Variants in CLCN3 observed in about 807,000 individuals in gnomAD.
CLCN3 encodes the protein H(+)/Cl(-) exchange transporter 3.
In CLCN3, 16 loss-of-function variants were observed where a neutral mutation model predicts 83.4. The ratio of observed to expected loss-of-function variants is 0.19; its 90% CI spans 0.13 to 0.29. CLCN3 has a LOEUF of 0.29. Among genes scored for constraint, CLCN3 ranks in the 10% least tolerant of loss-of-function variants. The pLI, the probability that CLCN3 is intolerant of heterozygous loss-of-function variation, is 1.00. For synonymous variants in CLCN3, 322 were observed against 346.2 expected (o/e 0.93, Z 0.78); for missense variants, 544 against 1,006.0 (o/e 0.54, Z 6.21).
At chr4:169,664,852 GAT>G (rs1469543280) in intron 2 of CLCN3, among the ~76,000 whole-genome samples, 1 of 152,168 alleles carries the variant, frequency 6.6e-6, no homozygotes, top group Non-Finnish European at 1.5e-5. Context: ...CTGCCGCATT[GAT>G]TAAGTTTGTA....
chr4:169,656,953 T>C (rs913868019), intron 2 of CLCN3, among the ~76,000 whole-genome samples: 9 of 152,126 alleles, frequency 5.9e-5, no homozygotes, highest in African/African-American at 2.2e-4. Flanking sequence ...AAATAATAAA[T>C]ACAAATAAAA....
intron 2 of CLCN3, among the ~76,000 whole-genome samples, chr4:169,651,574 TTGTC>T (rs1351267273): frequency 1.3e-5 from 2 of 152,194 alleles, no homozygotes; most frequent in African/African-American, 2.4e-5. Flanking sequence ...ATGCTTTAAA[TTGTC>T]TGTAGATTAC....
intron 5 of CLCN3, 22 bp from the exon 6 acceptor site, chr4:169,690,508 T>A (rs748380595): frequency 1.6e-5 from 25 of 1,599,566 alleles, no homozygotes; most frequent in African/African-American, 2.7e-5. Flanking sequence ...AAATTCATAC[T>A]CTCGAACTAT....
rs1732327704 is a variant in CLCN3, at chr4:169,690,520, T to G, written c.607-10T>G. 3 of 1,602,322 alleles carry G rather than the reference T, an allele frequency of 1.9e-6. No individual in the cohort carries two copies. Among genetic ancestry groups the G allele is most frequent in the African/African-American group, 2.7e-5 (2 of 74,098 alleles). ...ATTAAATTCATACTCTCGAACTATT[T>G]TCTTTTTAGGGTCCTGGTTCTTATA... is the stretch of plus-strand genomic sequence containing the variant. On this transcript the variant is annotated splice_polypyrimidine_tract_variant and intron_variant, in intron 5 of 12. Transcript: ENST00000513761.
chr4:169,639,218 A>G (rs1181077099), intron 2 of CLCN3, among the ~76,000 whole-genome samples: 3 of 152,116 alleles, frequency 2.0e-5, no homozygotes, highest in African/African-American at 4.8e-5. Flanking sequence ...TTTTTGTAAC[A>G]ATGGGGTCTC....
chr4:169,690,065 C>G (rs1417540361), intron 5 of CLCN3, among the ~76,000 whole-genome samples: 1 of 150,832 alleles, frequency 6.6e-6, no homozygotes, highest in Non-Finnish European at 1.5e-5. Flanking sequence ...ATATTTTGTT[C>G]ATATAAAGTT....
intron 2 of CLCN3, among the ~76,000 whole-genome samples, chr4:169,664,895 C>T (rs1731188282): frequency 6.6e-6 from 1 of 152,152 alleles, no homozygotes; most frequent in Non-Finnish European, 1.5e-5. Context: ...ATCGAGGTTT[C>T]TGCTTTGCGT....
intron 11 of CLCN3, among the ~76,000 whole-genome samples, chr4:169,711,552 G>A (rs978429368): frequency 1.3e-5 from 2 of 152,132 alleles, no homozygotes; most frequent in Admixed American, 6.5e-5. Context: ...GTTTCACCAT[G>A]TTGGCCAGGC....
chr4:169,639,846 T>C (rs1730355384), intron 2 of CLCN3, among the ~76,000 whole-genome samples: 1 of 152,222 alleles, frequency 6.6e-6, no homozygotes. Flanking sequence ...AAGGTACTGA[T>C]AGTGTTTTTT....
At chr4:169,665,463 G>A (rs545984217) in intron 2 of CLCN3, among the ~76,000 whole-genome samples, 6 of 152,222 alleles carry the variant, frequency 3.9e-5, no homozygotes, top group African/African-American at 1.4e-4. Flanking sequence ...CTAAATGTGA[G>A]GCACTATTCT....
At chr4:169,711,927 T>G (rs1236726896) in intron 11 of CLCN3, among the ~76,000 whole-genome samples, 1 of 152,090 alleles carries the variant, frequency 6.6e-6, no homozygotes, top group Non-Finnish European at 1.5e-5. Context: ...TGTGGTGGTA[T>G]GATCATGGCT....
At chr4:169,704,274 C>A in intron 10 of CLCN3, 90 bp downstream of exon 10, 2 of 1,262,368 alleles carry the variant, frequency 1.6e-6, no homozygotes, top group Non-Finnish European at 2.2e-6. Flanking sequence ...AATTGGTGGG[C>A]GGATTGGTTG....
rs1460905135 is a variant in CLCN3, at chr4:169,720,262, C to G, written c.*265C>G. Reference sequence around the variant, plus strand: ...CAGCGTATCAACTCCTATTGTTCTGCACTGGATGCATTCAGCTGAGGATGT... The same window carrying G: ...CAGCGTATCAACTCCTATTGTTCTGGACTGGATGCATTCAGCTGAGGATGT... On this transcript the variant is annotated 3_prime_UTR_variant, in exon 13 of 13. Coordinates refer to ENST00000513761, the MANE Select transcript of CLCN3 (RefSeq NM_001829.4). 3 of 532,236 alleles carry G rather than the reference C, an allele frequency of 5.6e-6. No homozygotes were observed. Among genetic ancestry groups the G allele is most frequent in the African/African-American group, 3.8e-5 (2 of 52,086 alleles). 33.0% of individuals were successfully genotyped at this position (532,236 alleles called of 1,614,324 possible).
rs149066384 is a variant in CLCN3 at position 169,685,881 on chromosome 4, T to C, written c.319-1777T>C. The stretch of plus-strand genomic sequence containing the variant: ...CCTATTTCTAATTCTAAAGAATGGT[T>C]AATATCTGTGTTTGGTTGCTTATAG... On this transcript the variant is annotated intron_variant, in intron 3 of 12. Transcript: ENST00000513761. Among the ~76,000 whole-genome samples, 32 of 152,322 alleles carry C rather than the reference T, an allele frequency of 2.1e-4. No individual in the cohort carries two copies. The South Asian group carries it at 4.6e-3, about 22-fold the overall frequency.
chr4:169,717,108 A>G (rs1284634096), intron 12 of CLCN3, among the ~76,000 whole-genome samples: 1 of 152,182 alleles, frequency 6.6e-6, no homozygotes, highest in African/African-American at 2.4e-5. Context: ...GATAACAGTG[A>G]CATGCTAAAT....
At chr4:169,676,669 T>G (rs1731692559) in intron 2 of CLCN3, among the ~76,000 whole-genome samples, 1 of 128,808 alleles carries the variant, frequency 7.8e-6, no homozygotes, top group Admixed American at 7.4e-5. Flanking sequence ...TTTTTTTTTT[T>G]GTATTTTTAG....
chr4:169,674,971 C>G (rs9993016), intron 2 of CLCN3, among the ~76,000 whole-genome samples: 1 of 152,138 alleles, frequency 6.6e-6, no homozygotes, highest in African/African-American at 2.4e-5. Flanking sequence ...CCAACTCCTG[C>G]GCTCAATCTA....
Position 169,721,037 on chromosome 4 carries a change from A to T in CLCN3, c.*1040A>T, listed in dbSNP as rs2150283583. 6.6e-6 allele frequency: 1 copy of T among 152,618 alleles called. No homozygotes were observed. The highest frequency in any genetic ancestry group is 1.9e-4 in the East Asian group (1 of 5,192). 9.5% of individuals were successfully genotyped at this position (152,618 alleles called of 1,614,324 possible). ...TGTATCTGGTATTAATTGCATGTTA[A>T]AACACTGGAATTTTTAAAATTGAAA... On this transcript the variant is annotated 3_prime_UTR_variant, in exon 13 of 13. Coordinates refer to ENST00000513761, the MANE Select transcript of CLCN3 (RefSeq NM_001829.4).
chr4:169,695,071 G>A (rs571599431), intron 7 of CLCN3, among the ~76,000 whole-genome samples: 7 of 152,182 alleles, frequency 4.6e-5, no homozygotes, highest in African/African-American at 1.7e-4. Flanking sequence ...GAGCTGTTGT[G>A]TGTGCTTTCA....
Sources: gnomAD v4.1 joint callset for allele counts (sites outside exome capture counted in the v4.1 genomes callset) on GRCh38, gnomAD v4.1.1 for gene constraint, MANE v1.5 for transcripts, NCBI Gene and HGNC (gene_info 2026-07-23, HGNC 2026-07-21) for gene names.